Variants in COL9A1 observed in about 807,000 individuals in gnomAD.
The protein encoded by COL9A1 is collagen type IX alpha 1 chain, also known as collagen alpha-1(IX) chain.
Under a neutral mutation model 142.6 loss-of-function variants are expected in COL9A1, and 104 were observed. The observed-to-expected ratio is 0.73, with a 90% CI of 0.62 to 0.86. COL9A1 has a LOEUF of 0.86. COL9A1 is among the 40% of genes least tolerant of loss of function. The pLI is 0.00. For missense variants in COL9A1, 1,210 were observed against 1,176.6 expected (o/e 1.03, Z -0.42); for synonymous variants, 466 against 396.0 (o/e 1.18, Z -2.10).
chr6:70,270,293 T>C (rs763908623), intron 15 of COL9A1, 21 bp downstream of exon 15: 1 of 1,611,618 alleles, frequency 6.2e-7, no homozygotes, highest in South Asian at 1.1e-5. Flanking sequence ...CAAACAGAAA[T>C]TCAAGCTGCA....
At chr6:70,228,090 A>C (rs1333557474) in intron 36 of COL9A1, among the ~76,000 whole-genome samples, 1 of 152,094 alleles carries the variant, frequency 6.6e-6, no homozygotes, top group Admixed American at 6.5e-5. Context: ...AATTTTTGGA[A>C]CTGTATAAAT....
chr6:70,296,524 TATCA>T (rs2127606393), intron 4 of COL9A1, among the ~76,000 whole-genome samples: 1 of 152,300 alleles, frequency 6.6e-6, no homozygotes, highest in South Asian at 2.1e-4. Flanking sequence ...ACTTCCTGTT[TATCA>T]ATCAGTTTGT....
chr6:70,273,374 A>G (rs1772529652), intron 12 of COL9A1, among the ~76,000 whole-genome samples: 1 of 152,202 alleles, frequency 6.6e-6, no homozygotes, highest in Non-Finnish European at 1.5e-5. Context: ...GAGAAAGGCC[A>G]GCAAGCTGTT....
chr6:70,231,878 C>T (rs1036060458), intron 36 of COL9A1, among the ~76,000 whole-genome samples: 7 of 152,112 alleles, frequency 4.6e-5, no homozygotes, highest in Non-Finnish European at 8.8e-5. Flanking sequence ...ATACTTACTC[C>T]CCTCAACTAG....
intron 28 of COL9A1, chr6:70,246,114 T>A (rs1465738705): frequency 1.3e-5 from 2 of 152,178 alleles, no homozygotes; most frequent in Non-Finnish European, 2.9e-5. Context: ...TGCCTTATAA[T>A]CCCAGCACTT....
chr6:70,269,236 C>G (rs1332552937), intron 16 of COL9A1, among the ~76,000 whole-genome samples: 2 of 152,096 alleles, frequency 1.3e-5, no homozygotes, highest in Non-Finnish European at 2.9e-5. Context: ...CTAGACTAGC[C>G]CCATCCTGAG....
At chr6:70,280,737 C>A in intron 10 of COL9A1, 75 bp downstream of exon 10, 1 of 1,503,768 alleles carries the variant, frequency 6.6e-7, no homozygotes, top group South Asian at 1.2e-5. Flanking sequence ...CTCCCTCCCC[C>A]CCCACAAAAC....
At chr6:70,280,704 G>T (rs1011072722) in intron 10 of COL9A1, 108 bp downstream of exon 10, 7 of 1,419,920 alleles carry the variant, frequency 4.9e-6, no homozygotes, top group Non-Finnish European at 6.8e-6. Context: ...GCCACAGCGC[G>T]TTCTCTCTCT....
chr6:70,242,122 T>G, intron 29 of COL9A1, 87 bp from the exon 30 acceptor site: 1 of 1,159,490 alleles, frequency 8.6e-7, no homozygotes, highest in African/African-American at 1.5e-5. Flanking sequence ...GTGTGTTGAC[T>G]TGTGTCTAAA....
At chr6:70,284,725 GCT>G (rs1200158592) in intron 5 of COL9A1, among the ~76,000 whole-genome samples, 2 of 152,140 alleles carry the variant, frequency 1.3e-5, no homozygotes, top group Non-Finnish European at 2.9e-5. Context: ...TAATTAAGGA[GCT>G]TTCTGCTAGG....
intron 37 of COL9A1, chr6:70,222,774 A>T (rs947036999): frequency 1.3e-5 from 2 of 152,154 alleles, no homozygotes; most frequent in African/African-American, 4.8e-5. Context: ...TTGAGCCCCA[A>T]ATCCAACAAC....
At chr6:70,285,645 A>G (rs1773422909) in intron 5 of COL9A1, among the ~76,000 whole-genome samples, 2 of 152,214 alleles carry the variant, frequency 1.3e-5, no homozygotes, top group African/African-American at 4.8e-5. Flanking sequence ...TTCTGGTGAA[A>G]CCAAAGATAT....
In COL9A1 at chr6:70,232,605, A is replaced by G; in HGVS notation, c.2481T>C (p.Ala827=). The change falls in exon 36 of 38, where the codon GCT becomes GCC. Residue 827 remains alanine (A), a synonymous_variant. Transcript: ENST00000357250. Reference sequence around the variant, plus strand: ...TACCTTTAGGTCCCCTCAAACCAAGAGCACCAGGGGGCCCCTTAATGCCCG... The same window carrying G: ...TACCTTTAGGTCCCCTCAAACCAAGGGCACCAGGGGGCCCCTTAATGCCCG... The part of the protein sequence containing the change: ...GLPGIKGPPG[A]LGLRGPKGDL... 1.9e-6 allele frequency: 3 copies of G among 1,614,090 alleles called. No individual in the cohort carries two copies. The highest frequency in any genetic ancestry group is 1.1e-5 in the South Asian group (1 of 91,078).
chr6:70,232,491 A>G, intron 36 of COL9A1, 92 bp downstream of exon 36: 1 of 1,389,062 alleles, frequency 7.2e-7, no homozygotes, highest in Non-Finnish European at 1.0e-6. Context: ...GATATTCAGA[A>G]ATTGGTAAAA....
chr6:70,297,660 C>T (rs1189243905), intron 4 of COL9A1, among the ~76,000 whole-genome samples: 1 of 152,038 alleles, frequency 6.6e-6, no homozygotes, highest in Non-Finnish European at 1.5e-5. Context: ...TATTATATTA[C>T]AGCCTTCAAA....
intron 6 of COL9A1, chr6:70,283,355 T>A: frequency 1.1e-6 from 1 of 925,390 alleles, no homozygotes; most frequent in Non-Finnish European, 1.6e-6. Context: ...CAGCTCTGCC[T>A]CCATCCCATC....
chr6:70,278,083 T>C (rs768972253), intron 10 of COL9A1, among the ~76,000 whole-genome samples: 50 of 152,360 alleles, frequency 3.3e-4, no homozygotes, highest in Non-Finnish European at 6.0e-4. Context: ...CAGTTCCAGA[T>C]GCCTCATGTG....
intron 16 of COL9A1, 140 bp from the exon 17 acceptor site, chr6:70,269,000 A>G: frequency 2.9e-6 from 2 of 696,232 alleles, no homozygotes; most frequent in South Asian, 3.2e-5. Context: ...ATAATTCTAA[A>G]CACCCCTTTC....
chr6:70,254,310 G>C (rs890679084), intron 25 of COL9A1, among the ~76,000 whole-genome samples, 166 bp downstream of exon 25: 3 of 152,086 alleles, frequency 2.0e-5, no homozygotes, highest in Admixed American at 6.5e-5. Flanking sequence ...GCTATTCAGA[G>C]AAAAAGTATA....
Sources: allele counts gnomAD v4.1 joint callset (sites outside exome capture counted in the v4.1 genomes callset), GRCh38; gene constraint gnomAD v4.1.1; transcripts MANE v1.5; gene names NCBI Gene and HGNC (gene_info 2026-07-23, HGNC 2026-07-21).